Variants in NPIPB2 observed in about 807,000 individuals in gnomAD.
The protein encoded by NPIPB2 is nuclear pore complex interacting protein family member B2.
A neutral mutation model predicts 30.8 loss-of-function variants in NPIPB2; 27 were observed. The observed-to-expected ratio is 0.88, with a 90% CI of 0.65 to 1.21. The LOEUF is 1.21. Ranked by LOEUF, NPIPB2 falls within the 50% of genes most tolerant of loss-of-function variation. The pLI is 0.00. For missense variants in NPIPB2, 440 were observed against 446.2 expected, an observed-to-expected ratio of 0.99 and a Z score of 0.13; for synonymous variants, 147 against 162.0, an observed-to-expected ratio of 0.91 and a Z score of 0.70.
chr16:11,962,770 A>G (rs2055163460), intron 1 of NPIPB2, among the ~76,000 whole-genome samples: 1 of 152,014 alleles, frequency 6.6e-6, no homozygotes, highest in South Asian at 2.1e-4. Context: ...TGAATTTTAA[A>G]AACAAGAATT....
At chr16:11,966,472 A>T (rs2055195199) in intron 1 of NPIPB2, 1 of 932,724 alleles carries the variant, frequency 1.1e-6, no homozygotes, top group Admixed American at 3.0e-5. Context: ...GAACATTGTT[A>T]CATTAAATGA....
intron 1 of NPIPB2, among the ~76,000 whole-genome samples, chr16:11,954,971 C>T (rs1318404671): frequency 6.6e-6 from 1 of 151,910 alleles, no homozygotes; most frequent in South Asian, 2.1e-4. Context: ...AAAATAAATC[C>T]CTCACATATC....
chr16:11,963,698 A>C (rs902026525), intron 1 of NPIPB2, among the ~76,000 whole-genome samples: 1 of 152,118 alleles, frequency 6.6e-6, no homozygotes, highest in African/African-American at 2.4e-5. Context: ...ATTTTTGACA[A>C]ACATCTGGAC....
chr16:11,967,582 T>C, intron 1 of NPIPB2: 6 of 1,612,840 alleles, frequency 3.7e-6, no homozygotes, highest in Non-Finnish European at 5.1e-6. Context: ...TCAGGTCTCC[T>C]GGGCATGGCT....
At chr16:11,935,369 A>G (rs1222028616) in intron 2 of NPIPB2, among the ~76,000 whole-genome samples, 1 of 152,164 alleles carries the variant, frequency 6.6e-6, no homozygotes, top group South Asian at 2.1e-4. Flanking sequence ...GCTGAAGTGC[A>G]GTGGCGCTAC....
chr16:11,950,252 T>C (rs529718382), intron 1 of NPIPB2, among the ~76,000 whole-genome samples: 1 of 152,246 alleles, frequency 6.6e-6, no homozygotes, highest in South Asian at 2.1e-4. Context: ...GCTGGGCTTG[T>C]CTTGAACTCC....
At chr16:11,958,396 C>A (rs1348213337) in intron 1 of NPIPB2, among the ~76,000 whole-genome samples, 1 of 150,992 alleles carries the variant, frequency 6.6e-6, no homozygotes, top group Non-Finnish European at 1.5e-5. Context: ...CCACTACAGT[C>A]CAGCCTGGAT....
At chr16:11,969,921 T>C (rs1016474353) in intron 1 of NPIPB2, among the ~76,000 whole-genome samples, 16 of 129,748 alleles carry the variant, frequency 1.2e-4, no homozygotes, top group African/African-American at 4.4e-4. Context: ...TGCACTGGCA[T>C]CATCTTGGCT....
At chr16:11,951,677 AAAC>A (rs1352696486) in intron 1 of NPIPB2, among the ~76,000 whole-genome samples, 2 of 102,970 alleles carry the variant, frequency 1.9e-5, no homozygotes, top group South Asian at 4.5e-4. Context: ...CCCAGCCCCC[AAAC>A]AACAAAATTC....
At chr16:11,966,098 A>C (rs2055191283) in intron 1 of NPIPB2, 43 of 1,327,684 alleles carry the variant, frequency 3.2e-5, no homozygotes, top group Non-Finnish European at 4.4e-5. Context: ...GCAACAGAGC[A>C]AGACTTTGTC....
chr16:11,967,439 G>C, intron 1 of NPIPB2: 1 of 926,266 alleles, frequency 1.1e-6, no homozygotes, highest in Non-Finnish European at 1.6e-6. Flanking sequence ...GGGCAACACA[G>C]TAAGACCCCA....
chr16:11,950,615 G>A (rs555407102), intron 1 of NPIPB2, among the ~76,000 whole-genome samples: 2 of 152,054 alleles, frequency 1.3e-5, no homozygotes, highest in Non-Finnish European at 2.9e-5. Context: ...AATGTTCTTT[G>A]CACTCTGCCC....
intron 1 of NPIPB2, among the ~76,000 whole-genome samples, chr16:11,973,869 A>G (rs745947601): frequency 6.6e-6 from 1 of 152,188 alleles, no homozygotes; most frequent in Non-Finnish European, 1.5e-5. Context: ...TGGGGAGAAG[A>G]GGAATTCTGT....
chr16:11,972,375 A>AC (rs2055241294), intron 1 of NPIPB2, among the ~76,000 whole-genome samples: 1 of 152,004 alleles, frequency 6.6e-6, no homozygotes, highest in Non-Finnish European at 1.5e-5. Flanking sequence ...GGAGTTTGAA[A>AC]CCAGCCTGAA....
At chr16:11,971,132 C>T (rs1001422775) in intron 1 of NPIPB2, among the ~76,000 whole-genome samples, 1 of 152,018 alleles carries the variant, frequency 6.6e-6, no homozygotes, top group Non-Finnish European at 1.5e-5. Flanking sequence ...GCTGGGATTA[C>T]AGGCATAAGC....
chr16:11,950,056 G>A (rs1183835224), intron 1 of NPIPB2, among the ~76,000 whole-genome samples: 1 of 151,952 alleles, frequency 6.6e-6, no homozygotes, highest in Non-Finnish European at 1.5e-5. Context: ...TTTTTTCCGA[G>A]ATGGAGTCTC....
At chr16:11,930,357 C>T in intron 5 of NPIPB2, 93 bp downstream of exon 5, 2 of 1,142,434 alleles carry the variant, frequency 1.8e-6, no homozygotes, top group Non-Finnish European at 2.5e-6. Flanking sequence ...GTTTCTATTT[C>T]TGCATTTACT....
chr16:11,973,493 T>A (rs2055248408), intron 1 of NPIPB2, among the ~76,000 whole-genome samples: 1 of 152,132 alleles, frequency 6.6e-6, no homozygotes, highest in South Asian at 2.1e-4. Context: ...GTAGACAAGT[T>A]TTACTGACTT....
intron 7 of NPIPB2, 76 bp from the exon 8 acceptor site, chr16:11,927,955 C>T: frequency 1.4e-6 from 1 of 710,032 alleles, no homozygotes; most frequent in Middle Eastern, 4.0e-4. Flanking sequence ...ACACAGTCTG[C>T]ACCTTCTGTT....
Sources: allele counts gnomAD v4.1 joint callset (sites outside exome capture counted in the v4.1 genomes callset), GRCh38; gene constraint gnomAD v4.1.1; transcripts MANE v1.5; gene names NCBI Gene and HGNC (gene_info 2026-07-23, HGNC 2026-07-21).